The following IL23R variants were observed in gnomAD, a reference collection of about 807,000 sequenced individuals.
IL23R encodes interleukin 23 receptor.
A neutral mutation model predicts 56.9 loss-of-function variants in IL23R; 34 were observed. That is an observed-to-expected ratio of 0.60 (90% CI 0.45 to 0.80). The LOEUF (loss-of-function observed/expected upper bound fraction) is 0.80. Among genes scored for constraint, IL23R ranks in the 30% least tolerant of loss-of-function variants. The pLI, the probability that IL23R is intolerant of heterozygous loss-of-function variation, is 0.00. For missense variants in IL23R, 635 were observed against 730.0 expected (o/e 0.87, Z 1.50); for synonymous variants, 230 against 249.2 (o/e 0.92, Z 0.73).
chr1:67,184,296 A>G (rs533932185), intron 4 of IL23R, among the ~76,000 whole-genome samples: 1 of 152,172 alleles, frequency 6.6e-6, no homozygotes, highest in East Asian at 1.9e-4. Flanking sequence ...CTGTAATCCC[A>G]GCACTTTGGG....
At position 67,206,320 on chromosome 1, in the gene IL23R, CT is replaced by C. The variant is rs35298293; in HGVS notation, c.653-582del. On this transcript the variant is annotated intron_variant, in intron 5 of 10. Coordinates refer to ENST00000347310, the MANE Select transcript of IL23R (RefSeq NM_144701.3). Reference sequence around the variant, plus strand: ...GAGCCACCATGCCCAGCCTTTCTTTCTTTTTTTTGAGACAAGCTCTCATTCT... The same window carrying C: ...GAGCCACCATGCCCAGCCTTTCTTTCTTTTTTTGAGACAAGCTCTCATTCT... 5.3e-5 allele frequency among the ~76,000 whole-genome samples: 8 copies of C among 151,936 alleles called. No individual in the cohort carries two copies. The South Asian group carries it at 1.3e-3, about 24-fold the overall frequency.
chr1:67,192,238 A>T (rs933663286), intron 4 of IL23R, among the ~76,000 whole-genome samples: 2 of 152,310 alleles, frequency 1.3e-5, no homozygotes, highest in East Asian at 3.9e-4. Flanking sequence ...AAAACATCTT[A>T]TCTGGATTAC....
At chr1:67,161,906 G>A (rs902875616), upstream of IL23R, among the ~76,000 whole-genome samples, 1 of 151,896 alleles carries the variant, frequency 6.6e-6, no homozygotes, top group East Asian at 1.9e-4. Context: ...GATTACAGGC[G>A]TGAGCCACCA....
At chr1:67,207,105 G>A in intron 6 of IL23R, 50 bp downstream of exon 6, 2 of 1,582,884 alleles carry the variant, frequency 1.3e-6, no homozygotes, top group Middle Eastern at 1.7e-4. Context: ...TGATTTAAAA[G>A]CCAACCATCA....
intron 4 of IL23R, among the ~76,000 whole-genome samples, chr1:67,187,707 TTTAG>T (rs1430172902): frequency 6.6e-6 from 1 of 152,162 alleles, no homozygotes; most frequent in African/African-American, 2.4e-5. Context: ...GCTTTAGAGT[TTTAG>T]ATTTAATTTC....
At chr1:67,172,161 C>A (rs1340279605) in intron 3 of IL23R, among the ~76,000 whole-genome samples, 1 of 152,152 alleles carries the variant, frequency 6.6e-6, no homozygotes, top group African/African-American at 2.4e-5. Context: ...GCAAACAAAA[C>A]TTCCTATTTA....
intron 4 of IL23R, among the ~76,000 whole-genome samples, chr1:67,197,393 G>A (rs951489197): frequency 5.9e-5 from 9 of 152,190 alleles, no homozygotes; most frequent in Non-Finnish European, 2.9e-5. Context: ...TAGTTACTAA[G>A]GAGGTAGAAA....
chr1:67,139,052 A>G (rs1646609858), exon 1 of IL23R: 1 of 152,328 alleles, frequency 6.6e-6, no homozygotes, highest in Non-Finnish European at 1.5e-5. Flanking sequence ...AGTGGAGTCA[A>G]TCCAGGGGAA....
At chr1:67,262,166 C>T (rs914417060), downstream of IL23R, among the ~76,000 whole-genome samples, 2 of 152,150 alleles carry the variant, frequency 1.3e-5, no homozygotes, top group African/African-American at 4.8e-5. Context: ...AATGTCCTTA[C>T]TGTTATATGT....
chr1:67,252,502 C>G (rs950779042), intron 9 of IL23R, among the ~76,000 whole-genome samples: 5 of 152,086 alleles, frequency 3.3e-5, no homozygotes, highest in African/African-American at 7.2e-5. Flanking sequence ...TTGGAGAGTT[C>G]AAAACACAAA....
intron 1 of IL23R, among the ~76,000 whole-genome samples, chr1:67,142,949 T>C (rs546748637): frequency 3.3e-5 from 5 of 152,270 alleles, no homozygotes; most frequent in East Asian, 1.9e-4. Context: ...ATCTTCCCTA[T>C]AGGTTTAAGA....
chr1:67,239,140 T>C (rs1037919703), intron 8 of IL23R, among the ~76,000 whole-genome samples: 1 of 152,232 alleles, frequency 6.6e-6, no homozygotes, highest in African/African-American at 2.4e-5. Context: ...GGCTTTTTCA[T>C]GTACCAGGGA....
intron 7 of IL23R, among the ~76,000 whole-genome samples, chr1:67,230,829 G>A (rs1176057348): frequency 2.0e-5 from 3 of 152,156 alleles, no homozygotes; most frequent in Non-Finnish European, 2.9e-5. Context: ...GTTTTGCCTT[G>A]CTAATTGACA....
rs559752345 is a variant in IL23R at position 67,187,967 on chromosome 1, G to A, written c.491+5008G>A. 3.9e-5 allele frequency among the ~76,000 whole-genome samples: 6 copies of A among 152,166 alleles called. No individual in the cohort carries two copies. The South Asian group carries it at 6.2e-4, about 16-fold the overall frequency. ...CTTGGGAGGCTGAGGCAGGAGAATC[G>A]CTTGAACCTGGGAGGTGAAGGTTGC... On this transcript the variant is annotated intron_variant, in intron 4 of 10. Coordinates refer to ENST00000347310, the MANE Select transcript of IL23R (RefSeq NM_144701.3).
chr1:67,149,881 T>C (rs1646713087), intron 1 of IL23R, among the ~76,000 whole-genome samples: 1 of 152,214 alleles, frequency 6.6e-6, no homozygotes, highest in African/African-American at 2.4e-5. Flanking sequence ...AGTTTCATGG[T>C]ATATACAGTT....
intron 6 of IL23R, among the ~76,000 whole-genome samples, chr1:67,208,149 G>A (rs1205292269): frequency 6.6e-6 from 1 of 152,172 alleles, no homozygotes; most frequent in Non-Finnish European, 1.5e-5. Flanking sequence ...AAATTTCTAC[G>A]CAGCAAAGCA....
At chr1:67,153,861 G>A (rs1238309278) in intron 1 of IL23R, among the ~76,000 whole-genome samples, 3 of 151,990 alleles carry the variant, frequency 2.0e-5, no homozygotes, top group Admixed American at 6.6e-5. Context: ...CGCCTCCCAG[G>A]TTCACTCCAT....
chr1:67,215,283 T>C (rs1271821790), intron 6 of IL23R, among the ~76,000 whole-genome samples: 1 of 152,196 alleles, frequency 6.6e-6, no homozygotes, highest in Non-Finnish European at 1.5e-5. Flanking sequence ...TAAACATTTA[T>C]TTCTCAATGT....
chr1:67,217,333 G>C (rs924803767), intron 6 of IL23R, among the ~76,000 whole-genome samples: 2 of 152,082 alleles, frequency 1.3e-5, no homozygotes, highest in Admixed American at 1.3e-4. Flanking sequence ...TCATCCTGAG[G>C]TATCATGTTG....
Sources: allele counts gnomAD v4.1 joint callset (sites outside exome capture counted in the v4.1 genomes callset), GRCh38; gene constraint gnomAD v4.1.1; transcripts MANE v1.5; gene names NCBI Gene and HGNC (gene_info 2026-07-23, HGNC 2026-07-21).